Variants in SPACA7 observed in about 807,000 individuals in gnomAD.
SPACA7 encodes sperm acrosome-associated protein 7.
Under a neutral mutation model 26.3 loss-of-function variants are expected in SPACA7, and 19 were observed. That is an observed-to-expected ratio of 0.72 (90% CI 0.50 to 1.06). The LOEUF is 1.06. Ranked by LOEUF, SPACA7 falls within the 50% of genes least tolerant of loss-of-function variation. The pLI, the probability that SPACA7 is intolerant of heterozygous loss-of-function variation, is 0.00. For synonymous variants in SPACA7, 84 were observed against 84.5 expected, an observed-to-expected ratio of 0.99 and a Z score of 0.04; for missense variants, 211 against 229.9, an observed-to-expected ratio of 0.92 and a Z score of 0.53.
intron 5 of SPACA7, among the ~76,000 whole-genome samples, chr13:112,422,018 T>C (rs1876036237): frequency 6.6e-6 from 1 of 152,110 alleles, no homozygotes; most frequent in South Asian, 2.1e-4. Flanking sequence ...GGACTAGGCT[T>C]AATTGCTGGA....
chr13:112,399,111 A>G lies in SPACA7; in HGVS notation c.287A>G (p.Tyr96Cys). Residue 96 changes from tyrosine to cysteine, a missense_variant, in exon 4 of 7, where the codon TAC becomes TGC. Physicochemically the swap from Tyr to Cys is radical, Grantham distance 194 (BLOSUM62 -2). Transcript: ENST00000283550. ...TATCAAGCTGGTGGTTCTGAGAATT[A>G]CCATGAATTATTAGAGAATTTACAA... ...ENYQAGGSEN[Y>C]HELLENLQFS... is the part of the protein sequence containing the mutation. 1.2e-6 allele frequency: 2 copies of G among 1,611,326 alleles called. No individual in the cohort carries two copies. The highest frequency in any genetic ancestry group is 1.7e-6 in the Non-Finnish European group (2 of 1,177,636).
intron 5 of SPACA7, among the ~76,000 whole-genome samples, chr13:112,430,176 G>C (rs868432237): frequency 9.8e-4 from 124 of 126,684 alleles, no homozygotes; most frequent in South Asian, 5.0e-3. Context: ...CTCTCTCTCT[G>C]TGTGTGTGTG....
At chr13:112,434,051 C>T (rs1471489208) in intron 6 of SPACA7, among the ~76,000 whole-genome samples, 5 of 152,124 alleles carry the variant, frequency 3.3e-5, no homozygotes, top group South Asian at 2.1e-4. Flanking sequence ...GTGTGGCCGT[C>T]GGCAACAGAA....
chr13:112,386,614 A>G (rs1348026751), intron 1 of SPACA7, among the ~76,000 whole-genome samples: 1 of 148,696 alleles, frequency 6.7e-6, no homozygotes, highest in Admixed American at 6.6e-5. Flanking sequence ...GTGACGAGAC[A>G]AAAAAAAATG....
At chr13:112,379,290 T>TA (rs1174513137) in intron 1 of SPACA7, among the ~76,000 whole-genome samples, 2 of 152,188 alleles carry the variant, frequency 1.3e-5, no homozygotes, top group African/African-American at 4.8e-5. Flanking sequence ...GGCAGAGTCT[T>TA]ACCTAAAAAT....
intron 2 of SPACA7, 124 bp downstream of exon 2, chr13:112,393,201 G>A (rs1885009910): frequency 7.3e-6 from 5 of 688,904 alleles, no homozygotes; most frequent in South Asian, 2.4e-5. Flanking sequence ...TTGGTTTGGG[G>A]CTAGAATCAT....
chr13:112,388,806 A>T (rs1884696488), intron 1 of SPACA7, among the ~76,000 whole-genome samples: 1 of 152,200 alleles, frequency 6.6e-6, no homozygotes, highest in South Asian at 2.1e-4. Context: ...TTTTAAAGAT[A>T]ACTTGGTGGG....
intron 5 of SPACA7, among the ~76,000 whole-genome samples, chr13:112,430,174 C>CTGTGTGTGTGTGTGTGTGTGTGTGTG (rs61438595): frequency 1.5e-5 from 2 of 134,208 alleles, no homozygotes; most frequent in East Asian, 4.3e-4. Flanking sequence ...ATCTCTCTCT[C>CTGTGTGTGTGTGTGTGTGTGTGTGTG]TGTGTGTGTG....
intron 1 of SPACA7, among the ~76,000 whole-genome samples, chr13:112,383,675 C>T (rs1341416080): frequency 6.6e-6 from 1 of 152,188 alleles, no homozygotes; most frequent in African/African-American, 2.4e-5. Flanking sequence ...TAGAAAGTGA[C>T]ATTTTTTATT....
intron 3 of SPACA7, 95 bp from the exon 4 acceptor site, chr13:112,398,971 A>G (rs1406482354): frequency 1.3e-6 from 1 of 751,014 alleles, no homozygotes; most frequent in East Asian, 2.6e-5. Flanking sequence ...TAACATCCCA[A>G]CCTTATATTG....
At chr13:112,392,920 G>A (rs1741967771) in intron 1 of SPACA7, 101 bp from the exon 2 acceptor site, 7 of 926,710 alleles carry the variant, frequency 7.6e-6, no homozygotes, top group Middle Eastern at 2.4e-4. Context: ...CCTTCCTCTA[G>A]AGGGGGCTGG....
At chr13:112,397,662 C>G (rs913167788) in intron 2 of SPACA7, among the ~76,000 whole-genome samples, 1 of 152,156 alleles carries the variant, frequency 6.6e-6, no homozygotes, top group African/African-American at 2.4e-5. Flanking sequence ...TGTGTTGACA[C>G]AGAGATCAGG....
At chr13:112,423,609 C>T (rs1179139261) in intron 5 of SPACA7, among the ~76,000 whole-genome samples, 1 of 152,090 alleles carries the variant, frequency 6.6e-6, no homozygotes. Flanking sequence ...CAACATCCCA[C>T]AGGAGGGAAT....
intron 2 of SPACA7, among the ~76,000 whole-genome samples, chr13:112,396,544 GC>G (rs887673760): frequency 2.0e-5 from 3 of 152,174 alleles, no homozygotes; most frequent in African/African-American, 7.2e-5. Context: ...GCCCCCCAGT[GC>G]CTGTGCAGTG....
At position 112,429,811 on chromosome 13, in the gene SPACA7, G is replaced by A. The variant is rs1055200699; in HGVS notation, c.446-2633G>A. 7.2e-5 allele frequency among the ~76,000 whole-genome samples: 11 copies of A among 152,208 alleles called. No homozygotes were observed. In the South Asian group the frequency reaches 2.3e-3, roughly 32 times the overall value. ...ACTTCATTATGTGTTAGATAGTCTT[G>A]TATTTTTAAAACTATTATTGAGCCT... On this transcript the variant is annotated intron_variant, in intron 5 of 6. Transcript: ENST00000283550.
chr13:112,381,975 C>T, intron 1 of SPACA7, among the ~76,000 whole-genome samples: 1 of 152,192 alleles, frequency 6.6e-6, no homozygotes, highest in African/African-American at 2.4e-5. Flanking sequence ...AATTTCTAAT[C>T]TTGGGGCTAA....
intron 5 of SPACA7, among the ~76,000 whole-genome samples, chr13:112,428,644 G>GC (rs1237522684): frequency 6.6e-6 from 1 of 152,102 alleles, no homozygotes; most frequent in Non-Finnish European, 1.5e-5. Context: ...ATATTTGGAG[G>GC]TTTTTTCCAG....
In SPACA7 at chr13:112,395,985, G is replaced by C. The variant is rs137919988; in HGVS notation, c.152-2064G>C. On this transcript the variant is annotated intron_variant, in intron 2 of 6. Coordinates refer to ENST00000283550, the MANE Select transcript of SPACA7 (RefSeq NM_145248.5). ...CGTGGAAGGGTCAAGGCAGCCTTTC[G>C]CCCTGGGCAGCTCACCCTGGGGTGG... Among the ~76,000 whole-genome samples, 206 of 149,946 alleles carry C rather than the reference G, an allele frequency of 1.4e-3. 1 individual carries two copies. The highest frequency in any genetic ancestry group is 2.2e-4 in the Non-Finnish European group (15 of 67,166).
chr13:112,379,610 T>A (rs1397386676), intron 1 of SPACA7, among the ~76,000 whole-genome samples: 1 of 152,218 alleles, frequency 6.6e-6, no homozygotes, highest in Non-Finnish European at 1.5e-5. Flanking sequence ...TTATAACATA[T>A]ATGCATACAA....
Sources: gnomAD v4.1 joint callset for allele counts (sites outside exome capture counted in the v4.1 genomes callset) on GRCh38, gnomAD v4.1.1 for gene constraint, MANE v1.5 for transcripts, NCBI Gene and HGNC (gene_info 2026-07-23, HGNC 2026-07-21) for gene names.